The following BLOC1S2 variants were observed in gnomAD, a reference collection of about 807,000 sequenced individuals.
BLOC1S2 encodes biogenesis of lysosomal organelles complex 1 subunit 2.
Under a neutral mutation model 19.6 loss-of-function variants are expected in BLOC1S2, and 12 were observed. The ratio of observed to expected loss-of-function variants is 0.61; its 90% CI spans 0.39 to 0.99. The LOEUF (loss-of-function observed/expected upper bound fraction) is 0.99, where lower values mean the gene tolerates loss of function less well. BLOC1S2 is among the 50% of genes least tolerant of loss of function. The pLI, the probability that BLOC1S2 is intolerant of heterozygous loss-of-function variation, is 0.00. For missense variants in BLOC1S2, 142 were observed against 171.0 expected (o/e 0.83, Z 0.95); for synonymous variants, 66 against 64.1 (o/e 1.03, Z -0.14).
In BLOC1S2 at chr10:100,274,973, C is replaced by A; in HGVS notation, c.*489G>T. 2.5e-6 allele frequency: 1 copy of A among 398,784 alleles called. No homozygotes were observed. Among genetic ancestry groups the A allele is most frequent in the Non-Finnish European group, 4.4e-6 (1 of 226,082 alleles). The allele number at this position is 398,784 out of a possible 1,614,324, so 24.7% of individuals were successfully genotyped here. A position where few individuals can be genotyped will look rare whatever the true frequency, so the allele number is the denominator to read the frequency against. The stretch of plus-strand genomic sequence containing the variant: ...ATATTATGGAAAAGTAAGTTACCGA[C>A]ATTCACAAGGTGATAAGCTGCAAAG... On this transcript the variant is annotated 3_prime_UTR_variant, in exon 5 of 5. Transcript: ENST00000370372.
chr10:100,280,412 C>T (rs533959660), intron 3 of BLOC1S2, among the ~76,000 whole-genome samples, 184 bp from the exon 4 acceptor site: 10 of 152,294 alleles, frequency 6.6e-5, no homozygotes, highest in East Asian at 3.9e-4. Flanking sequence ...TGATCAGGCA[C>T]GACTGTGGCC....
chr10:100,284,895 A>G (rs1437212747), intron 2 of BLOC1S2, among the ~76,000 whole-genome samples: 1 of 152,088 alleles, frequency 6.6e-6, no homozygotes, highest in Non-Finnish European at 1.5e-5. Context: ...AGAACATTAC[A>G]GAAGTGGAAT....
intron 4 of BLOC1S2, among the ~76,000 whole-genome samples, chr10:100,278,453 T>C (rs1359876222): frequency 2.3e-4 from 35 of 151,574 alleles, no homozygotes; most frequent in African/African-American, 7.6e-4. Context: ...TAGAAAGAAG[T>C]AGACATGGGA....
At chr10:100,286,565 G>GC in intron 1 of BLOC1S2, 40 bp downstream of exon 1, 3 of 1,610,314 alleles carry the variant, frequency 1.9e-6, no homozygotes, top group Middle Eastern at 1.7e-4. Context: ...GGAGCCCCAG[G>GC]CCCCCCACCG....
intron 4 of BLOC1S2, among the ~76,000 whole-genome samples, chr10:100,277,048 G>A (rs61871340): frequency 1.3e-5 from 2 of 150,446 alleles, no homozygotes; most frequent in Admixed American, 6.6e-5. Flanking sequence ...CATCCCACCT[G>A]GGAAGTGAGG....
rs1237582328 is a variant in BLOC1S2, at chr10:100,286,480, C to A, written c.55+125G>T. 14 of 1,494,632 alleles carry A rather than the reference C, an allele frequency of 9.4e-6. No individual in the cohort carries two copies. The East Asian group carries it at 3.2e-4, about 34-fold the overall frequency. The allele number at this position is 1,494,632 out of a possible 1,614,324, so 92.6% of individuals were successfully genotyped here. On this transcript the variant is annotated intron_variant, in intron 1 of 4. Transcript: ENST00000370372. ...TGACAGGACAAACACTCGCGCGCAG[C>A]GACAAGTGCACTCCTCTCACCAGCC... is the stretch of plus-strand genomic sequence containing the variant.
chr10:100,283,925 A>G lies in BLOC1S2; in HGVS notation c.172+2172T>C, dbSNP rs1021219428. Among the ~76,000 whole-genome samples, 6 of 152,348 alleles carry G rather than the reference A, an allele frequency of 3.9e-5. No homozygotes were observed. The South Asian group carries it at 1.2e-3, about 32-fold the overall frequency. ...TGACATATTCAAACACCTAGAAGCC[A>G]GCAAGATAACGTAAATGAGTAAAGT... On this transcript the variant is annotated intron_variant, in intron 2 of 4. Coordinates refer to ENST00000370372, the MANE Select transcript of BLOC1S2 (RefSeq NM_173809.5).
At chr10:100,285,120 T>C (rs544710435) in intron 2 of BLOC1S2, among the ~76,000 whole-genome samples, 1 of 152,306 alleles carries the variant, frequency 6.6e-6, no homozygotes. Flanking sequence ...CCTACTATTC[T>C]GTATCAAGCC....
In BLOC1S2 at chr10:100,274,116, G is replaced by GC. The variant is rs1847793681; in HGVS notation, c.*1345dup. ...ATCTGTATAAAAAATAATTAGCAAG[G>GC]CATGGTGGAGCGTGCTGGTAGTCCC... On this transcript the variant is annotated 3_prime_UTR_variant, in exon 5 of 5. Transcript: ENST00000370372. 6.6e-6 allele frequency: 1 copy of GC among 152,114 alleles called. No homozygotes were observed. The highest frequency in any genetic ancestry group is 1.9e-4 in the East Asian group (1 of 5,188). The allele number at this position is 152,114 out of a possible 1,614,324, so 9.4% of individuals were successfully genotyped here. A position where few individuals can be genotyped will look rare whatever the true frequency, so the allele number is the denominator to read the frequency against.
rs749030113 is a variant in BLOC1S2, at chr10:100,280,941, G to C, written c.285C>G (p.Asn95Lys). The C allele has an allele frequency of 6.2e-7, 1 of 1,609,718 alleles. No homozygotes were observed. Among genetic ancestry groups the C allele is most frequent in the Admixed American group, 1.7e-5 (1 of 59,012 alleles). The change falls in exon 3 of 5, where the codon AAC (asparagine) becomes AAG (lysine). Residue 95 changes from asparagine to lysine, a missense_variant. Asn to Lys is a moderately conservative substitution (Grantham distance 94, BLOSUM62 0). This residue lies in a region of BLOC1S2 where 94 missense variants were observed against 141.3 expected (regional missense o/e 0.67). Transcript: ENST00000370372. ...INISRNLKDL[N>K]QKYAGLQPYL... Reference sequence around the variant, plus strand: ...ACAAATATTATTACTTACATTTCTGGTTTAAGTCCTTTAAGTTCCTACTAA... The same window carrying C: ...ACAAATATTATTACTTACATTTCTGCTTTAAGTCCTTTAAGTTCCTACTAA...
chr10:100,282,468 A>G (rs1848133264), intron 2 of BLOC1S2, among the ~76,000 whole-genome samples: 1 of 152,190 alleles, frequency 6.6e-6, no homozygotes, highest in African/African-American at 2.4e-5. Context: ...CTTGGACACT[A>G]CTGATCTCCT....
chr10:100,277,315 C>A (rs1362384954), intron 4 of BLOC1S2, among the ~76,000 whole-genome samples: 9 of 152,102 alleles, frequency 5.9e-5, no homozygotes, highest in Admixed American at 5.9e-4. Flanking sequence ...GGCAGCCACC[C>A]CGGCCGGGAG....
Position 100,279,898 on chromosome 10 carries a change from A to G in BLOC1S2, c.397+226T>C, listed in dbSNP as rs1227993808. ...CTTGTCTCAAAAAAAACAAACCAAAAACAAAAACCAAACATAATACATGTA... is the reference window on the plus strand; with the variant it reads ...CTTGTCTCAAAAAAAACAAACCAAAGACAAAAACCAAACATAATACATGTA... On this transcript the variant is annotated intron_variant, in intron 4 of 4. Coordinates refer to ENST00000370372, the MANE Select transcript of BLOC1S2 (RefSeq NM_173809.5). 3 of 300,494 alleles carry G rather than the reference A, an allele frequency of 1.0e-5. No individual in the cohort carries two copies. The Admixed American group carries it at 1.5e-4, about 15-fold the overall frequency. 18.6% of individuals were successfully genotyped at this position (300,494 alleles called of 1,614,324 possible).
At position 100,286,650 on chromosome 10, in the gene BLOC1S2, C is replaced by T. The variant is rs756135578; in HGVS notation, c.10G>A (p.Ala4Thr). 3.1e-6 allele frequency: 5 copies of T among 1,609,992 alleles called. No individual in the cohort carries two copies. Among genetic ancestry groups the T allele is most frequent in the African/African-American group, 1.3e-5 (1 of 74,854 alleles). MAA[A>T]AEGVLATRSD... ...CGGGTCGCCAGTACGCCCTCGGCTG[C>T]CGCCGCCATAGCGGACCCCGCGCTG... Residue 4 changes from alanine to threonine, a missense_variant, in exon 1 of 5, where the codon GCA (alanine) becomes ACA (threonine). Coordinates refer to ENST00000370372, the MANE Select transcript of BLOC1S2 (RefSeq NM_173809.5).
intron 4 of BLOC1S2, 192 bp downstream of exon 4, chr10:100,279,932 A>T (rs1589650141): frequency 2.6e-6 from 1 of 381,800 alleles, no homozygotes; most frequent in East Asian, 4.1e-5. Context: ...TAAAGCACTA[A>T]GAACAGTGCC....
chr10:100,280,089 C>A (rs763031895), intron 4 of BLOC1S2, 35 bp downstream of exon 4: 41 of 1,535,738 alleles, frequency 2.7e-5, no homozygotes, highest in Middle Eastern at 1.7e-4. Flanking sequence ...AAGAAGCAGT[C>A]TTTATTACAT....
rs1455792863 is a variant in BLOC1S2 at position 100,275,048 on chromosome 10, A to G, written c.*414T>C. On this transcript the variant is annotated 3_prime_UTR_variant, in exon 5 of 5. Transcript: ENST00000370372. Reference sequence around the variant, plus strand: ...TTAAATTTAGAATCTTGTTTACAACACATTAGCATCATTAACAGAAAAACG... The same window carrying G: ...TTAAATTTAGAATCTTGTTTACAACGCATTAGCATCATTAACAGAAAAACG... 7.5e-6 allele frequency: 3 copies of G among 399,416 alleles called. No individual in the cohort carries two copies. The highest frequency in any genetic ancestry group is 4.1e-5 in the African/African-American group (2 of 48,652). The allele number at this position is 399,416 out of a possible 1,614,324, so 24.7% of individuals were successfully genotyped here.
At chr10:100,277,716 G>T (rs1847952494) in intron 4 of BLOC1S2, among the ~76,000 whole-genome samples, 2 of 133,346 alleles carry the variant, frequency 1.5e-5, no homozygotes, top group Non-Finnish European at 3.3e-5. Flanking sequence ...GGGGGGCTCA[G>T]CCCCCCGCCC....
chr10:100,280,673 A>G (rs1447735273), intron 3 of BLOC1S2, among the ~76,000 whole-genome samples: 1 of 152,198 alleles, frequency 6.6e-6, no homozygotes, highest in Non-Finnish European at 1.5e-5. Context: ...AAATCAATTC[A>G]TTAGAATCTG....
Sources: gnomAD v4.1 joint callset for allele counts (sites outside exome capture counted in the v4.1 genomes callset) on GRCh38, gnomAD v4.1.1 for gene constraint, gnomAD v4.1.1 regional missense constraint, MANE v1.5 for transcripts, NCBI Gene and HGNC (gene_info 2026-07-23, HGNC 2026-07-21) for gene names.